TRIM62: variants seen among roughly 807,000 people sequenced by gnomAD.
TRIM62 encodes the protein tripartite motif containing 62.
TRIM62 carries 39 observed loss-of-function variants against 44.2 expected under a neutral mutation model. The ratio of observed to expected loss-of-function variants is 0.88; its 90% confidence interval spans 0.68 to 1.15. The LOEUF (loss-of-function observed/expected upper bound fraction) is 1.15, where lower values mean the gene tolerates loss of function less well. Among genes scored for constraint, TRIM62 ranks in the 50% most tolerant of loss-of-function variants. The probability of loss-of-function intolerance (pLI) is 0.00; values close to 1 mark genes in which losing one functional copy is unlikely to be tolerated. For synonymous variants in TRIM62, 278 were observed against 292.3 expected, an observed-to-expected ratio of 0.95 and a Z score of 0.50; for missense variants, 544 against 665.5, an observed-to-expected ratio of 0.82 and a Z score of 2.01.
chr1:33,175,189 C>T (rs1412858892), intron 1 of TRIM62, among the ~76,000 whole-genome samples: 2 of 150,354 alleles, frequency 1.3e-5, no homozygotes, highest in Non-Finnish European at 2.9e-5. Flanking sequence ...TAGGTGTGTG[C>T]CACGAATGCC....
chr1:33,147,560 C>T lies in TRIM62; in HGVS notation c.1045G>A (p.Gly349Ser), dbSNP rs2124708680. 1.2e-6 allele frequency: 2 copies of T among 1,614,110 alleles called. No homozygotes were observed. The highest frequency in any genetic ancestry group is 8.5e-7 in the Non-Finnish European group (1 of 1,180,042). ...SVLGSEAFSS[G>S]VHYWEVVVAE... is the part of the protein sequence containing the mutation. ...ACCACCACCTCCCAGTAGTGGACGCCACTACTGAAGGCTTCAGAACCCAGC... is the reference window on the plus strand; with the variant it reads ...ACCACCACCTCCCAGTAGTGGACGCTACTACTGAAGGCTTCAGAACCCAGC... The change falls in exon 5 of 5, where the codon GGC (glycine) becomes AGC (serine). Residue 349 changes from glycine (G) to serine (S), a missense_variant. Transcript: ENST00000291416. The surrounding 1 kb of genome is among the most constrained non-coding windows in gnomAD (Gnocchi z 8.1).
rs771801047 is a variant in TRIM62, at chr1:33,165,439, C to T, written c.504+32G>A. On this transcript the variant is annotated intron_variant, in intron 2 of 4. Transcript: ENST00000291416. This position sits in a 1 kb window ranked among gnomAD's most constrained non-coding sequence, Gnocchi z 4.0. Reference sequence around the variant, plus strand: ...CTCGAAGCCCTGCCCTCATCTCTGCCGGCCCCACCTCCGCGCCCCGGCCAG... The same window carrying T: ...CTCGAAGCCCTGCCCTCATCTCTGCTGGCCCCACCTCCGCGCCCCGGCCAG... The T allele has an allele frequency of 6.5e-6, 10 of 1,544,590 alleles. No individual in the cohort carries two copies. Among genetic ancestry groups the T allele is most frequent in the South Asian group, 1.2e-5 (1 of 83,666 alleles).
chr1:33,166,115 G>C (rs1645325312), intron 1 of TRIM62: 1 of 152,372 alleles, frequency 6.6e-6, no homozygotes, highest in African/African-American at 2.4e-5. Flanking sequence ...TAGGTTGCCT[G>C]CTCCTTATGA....
chr1:33,175,932 G>A (rs971193654), intron 1 of TRIM62, among the ~76,000 whole-genome samples: 1 of 151,974 alleles, frequency 6.6e-6, no homozygotes, highest in Non-Finnish European at 1.5e-5. Context: ...AACATCTTGG[G>A]GTCCCCAATG....
rs374982594 is a variant in TRIM62 at position 33,171,309 on chromosome 1, T to G, written c.409-5743A>C. ...GGGCTGGAGGCGGATGTGGTTTGGG[T>G]TTGAATTTCACAGGCATCTTGTCAC... On this transcript the variant is annotated intron_variant, in intron 1 of 4. Transcript: ENST00000291416. 2.2e-4 allele frequency among the ~76,000 whole-genome samples: 34 copies of G among 152,182 alleles called. No individual in the cohort carries two copies. In the East Asian group the frequency reaches 5.0e-3, roughly 22 times the overall value.
Position 33,159,809 on chromosome 1 carries a change from T to A in TRIM62, c.640A>T (p.Lys214Ter). The A allele has an allele frequency of 6.2e-7, 1 of 1,613,918 alleles. No homozygotes were observed. Among genetic ancestry groups the A allele is most frequent in the Non-Finnish European group, 8.5e-7 (1 of 1,179,978 alleles). ...AGCTGCTGGCTGTAGCGCTGGACTT[T>A]CTGCTCGATGTCGGTCAGCGTGCGG... ...TARTLTDIEQKVQRYSQQLRK... is the reference protein window; with the variant it reads ...TARTLTDIEQ Residue 214 changes from lysine to a stop codon, truncating the protein, a stop_gained, in exon 3 of 5, where the codon AAA (lysine) becomes TAA (stop). Coordinates refer to ENST00000291416, the MANE Select transcript of TRIM62 (RefSeq NM_018207.3). LOFTEE classifies it high-confidence loss of function. The surrounding 1 kb of genome is among the most constrained non-coding windows in gnomAD (Gnocchi z 4.2).
chr1:33,174,999 A>ATGTATT (rs1645405698), intron 1 of TRIM62, among the ~76,000 whole-genome samples: 1 of 39,620 alleles, frequency 2.5e-5, no homozygotes, highest in Non-Finnish European at 5.0e-5. Flanking sequence ...GCACACACAC[A>ATGTATT]TGTATGTATA....
rs1397596990 is a variant in TRIM62, at chr1:33,177,587, T to C, written c.408+3438A>G. Among the ~76,000 whole-genome samples, 3 of 152,176 alleles carry C rather than the reference T, an allele frequency of 2.0e-5. No homozygotes were observed. Among genetic ancestry groups the C allele is most frequent in the Non-Finnish European group, 4.4e-5 (3 of 68,032 alleles). On this transcript the variant is annotated intron_variant, in intron 1 of 4. Coordinates refer to ENST00000291416, the MANE Select transcript of TRIM62 (RefSeq NM_018207.3). The surrounding 1 kb of genome is among the most constrained non-coding windows in gnomAD (Gnocchi z 4.1). The stretch of plus-strand genomic sequence containing the variant: ...TAAAGTTCAGTGGGACTTTTCTAGG[T>C]CAGGTTTCTCAACTAGAGGTGATTT...
intron 1 of TRIM62, among the ~76,000 whole-genome samples, chr1:33,170,161 C>T (rs1360157756): frequency 6.6e-6 from 1 of 152,076 alleles, no homozygotes; most frequent in African/African-American, 2.4e-5. Flanking sequence ...AAAACCCCGT[C>T]TCTACTAAAA....
chr1:33,165,922 A>G lies in TRIM62; in HGVS notation c.409-356T>C, dbSNP rs1368715603. The G allele has an allele frequency of 5.8e-6, 1 of 173,564 alleles. No individual in the cohort carries two copies. The highest frequency in any genetic ancestry group is 2.4e-5 in the African/African-American group (1 of 42,322). The allele number at this position is 173,564 out of a possible 1,614,324, so 10.8% of individuals were successfully genotyped here. A position where few individuals can be genotyped will look rare whatever the true frequency, so the allele number is the denominator to read the frequency against. On this transcript the variant is annotated intron_variant, in intron 1 of 4. Coordinates refer to ENST00000291416, the MANE Select transcript of TRIM62 (RefSeq NM_018207.3). The surrounding 1 kb of genome is among the most constrained non-coding windows in gnomAD (Gnocchi z 4.0). ...TCCAACCCCCAGGCCACAGGTGGGT[A>G]TTGGTCCATAGCTTGTTAGGAACCT...
chr1:33,155,513 C>T (rs1391085341), intron 4 of TRIM62, among the ~76,000 whole-genome samples: 1 of 152,090 alleles, frequency 6.6e-6, no homozygotes, highest in Admixed American at 6.5e-5. Flanking sequence ...TCCCCAGCCT[C>T]CTTCCTGGTG....
At position 33,146,152 on chromosome 1, in the gene TRIM62, C is replaced by G. The variant is rs1311536950; in HGVS notation, c.*1025G>C. On this transcript the variant is annotated 3_prime_UTR_variant, in exon 5 of 5. Transcript: ENST00000291416. ...CCTGGAAATTCAGCAGAGTCTGCTT[C>G]TCCAGCTCTTCCAACAATTTTGCAA... The G allele has an allele frequency of 3.9e-6, 1 of 258,634 alleles. No individual in the cohort carries two copies. The highest frequency in any genetic ancestry group is 7.7e-6 in the Non-Finnish European group (1 of 129,790). 16.0% of individuals were successfully genotyped at this position (258,634 alleles called of 1,614,324 possible). A position where few individuals can be genotyped will look rare whatever the true frequency, so the allele number is the denominator to read the frequency against.
At position 33,181,337 on chromosome 1, in the gene TRIM62, G is replaced by T. The variant is rs1351430596; in HGVS notation, c.96C>A (p.Arg32=). The change falls in exon 1 of 5, where the codon CGC becomes CGA. Residue 32 remains arginine, a synonymous_variant. Coordinates refer to ENST00000291416, the MANE Select transcript of TRIM62 (RefSeq NM_018207.3). The surrounding 1 kb of genome is among the most constrained non-coding windows in gnomAD (Gnocchi z 6.5). ...VSLGCEHYFC[R]RCITEHWVRQ... Reference sequence around the variant, plus strand: ...GCACCCAGTGCTCCGTGATGCAGCGGCGGCAGAAGTAATGCTCGCAGCCCA... The same window carrying T: ...GCACCCAGTGCTCCGTGATGCAGCGTCGGCAGAAGTAATGCTCGCAGCCCA... 1 of 1,581,654 alleles carries T rather than the reference G, an allele frequency of 6.3e-7. No homozygotes were observed. Among genetic ancestry groups the T allele is most frequent in the Admixed American group, 1.8e-5 (1 of 55,098 alleles).
chr1:33,156,259 ACT>A (rs1425047612), intron 4 of TRIM62, among the ~76,000 whole-genome samples: 2 of 151,540 alleles, frequency 1.3e-5, no homozygotes, highest in Admixed American at 1.3e-4. Flanking sequence ...GCACTGCCAC[ACT>A]CTCTCTCCTT....
At position 33,165,687 on chromosome 1, in the gene TRIM62, C is replaced by T. The variant is rs1259409865; in HGVS notation, c.409-121G>A. On this transcript the variant is annotated intron_variant, in intron 1 of 4. Transcript: ENST00000291416. The surrounding 1 kb of genome is among the most constrained non-coding windows in gnomAD (Gnocchi z 4.0). ...TCTGTCCCCAACCTCCAACACTTGC[C>T]TCCCGTCACAGTTCAACCACCAGCA... 2 of 762,800 alleles carry T rather than the reference C, an allele frequency of 2.6e-6. No homozygotes were observed. Among genetic ancestry groups the T allele is most frequent in the Non-Finnish European group, 3.9e-6 (2 of 506,960 alleles). 47.3% of individuals were successfully genotyped at this position (762,800 alleles called of 1,614,324 possible).
intron 4 of TRIM62, 114 bp downstream of exon 4, chr1:33,158,139 G>A (rs1645207043): frequency 2.2e-6 from 2 of 909,682 alleles, no homozygotes; most frequent in African/African-American, 3.3e-5. Flanking sequence ...TAGGTGCTCA[G>A]CAAGGCACTC....
At chr1:33,163,887 G>C (rs1433831575) in intron 2 of TRIM62, 1 of 152,946 alleles carries the variant, frequency 6.5e-6, no homozygotes, top group African/African-American at 2.4e-5. Flanking sequence ...ACTCGAGGGG[G>C]ATGTGGCCCC....
chr1:33,177,067 GCACA>G lies in TRIM62; in HGVS notation c.408+3954_408+3957del, dbSNP rs10535508. Among the ~76,000 whole-genome samples the G allele has an allele frequency of 0.74, 111,035 of 150,648 alleles. 40,892 individuals are homozygous for G. The highest frequency in any genetic ancestry group is 0.76 in the East Asian group (3,871 of 5,072). On this transcript the variant is annotated intron_variant, in intron 1 of 4. Coordinates refer to ENST00000291416, the MANE Select transcript of TRIM62 (RefSeq NM_018207.3). The surrounding 1 kb of genome is among the most constrained non-coding windows in gnomAD (Gnocchi z 4.1). ...CACACACACGCACACACACACACAT[GCACA>G]CACACACATGCATGCACAAATGCAC...
At chr1:33,156,448 G>T (rs932604691) in intron 4 of TRIM62, among the ~76,000 whole-genome samples, 4 of 152,162 alleles carry the variant, frequency 2.6e-5, no homozygotes, top group African/African-American at 9.7e-5. Context: ...AGCAGCCTTT[G>T]TCACTGTTAG....
Sources: gnomAD v4.1 joint callset for allele counts (sites outside exome capture counted in the v4.1 genomes callset) on GRCh38, gnomAD v4.1.1 for gene constraint, Gnocchi (gnomAD v3.1) non-coding constraint, MANE v1.5 for transcripts, NCBI Gene and HGNC (gene_info 2026-07-23, HGNC 2026-07-21) for gene names.